Variants in MTMR8 observed in about 807,000 individuals in gnomAD.
The protein encoded by MTMR8 is phosphatidylinositol-3,5-bisphosphate 3-phosphatase MTMR8.
A neutral mutation model predicts 39.3 loss-of-function variants in MTMR8; 65 were observed. The observed-to-expected ratio is 1.65, with a 90% confidence interval of 1.35 to 2.03. MTMR8 has a LOEUF of 2.03. Among genes scored for constraint, MTMR8 ranks in the 30% most tolerant of loss-of-function variants. The pLI, the probability that MTMR8 is intolerant of heterozygous loss-of-function variation, is 0.00. For missense variants in MTMR8, 777 were observed against 538.9 expected, an observed-to-expected ratio of 1.44 and a Z score of -4.37; for synonymous variants, 245 against 185.2, an observed-to-expected ratio of 1.32 and a Z score of -2.62.
chrX:64,377,279 G>C (rs1924295967), intron 1 of MTMR8, among the ~76,000 whole-genome samples: 1 of 111,987 alleles, frequency 8.9e-6, no homozygotes. Context: ...CCATCCTCCA[G>C]ACCCCAGAAT....
At chrX:64,277,798 C>A (rs1164707985) in intron 12 of MTMR8, among the ~76,000 whole-genome samples, 1 of 111,226 alleles carries the variant, frequency 9.0e-6, no homozygotes, top group Non-Finnish European at 1.9e-5. Context: ...TGGGGAAGTT[C>A]TCCTGGATAA....
At chrX:64,285,347 G>C (rs2147134055) in intron 12 of MTMR8, among the ~76,000 whole-genome samples, 1 of 111,179 alleles carries the variant, frequency 9.0e-6, no homozygotes, top group South Asian at 3.8e-4. Context: ...CCTATAAAGA[G>C]ACTTAGACTC....
At chrX:64,393,408 C>G (rs1190073952) in intron 1 of MTMR8, among the ~76,000 whole-genome samples, 1 of 111,872 alleles carries the variant, frequency 8.9e-6, no homozygotes, top group African/African-American at 3.3e-5. Context: ...TTCCAATTTC[C>G]ATAGAGCCAG....
chrX:64,329,015 GGAC>G (rs1168633002), intron 11 of MTMR8, 115 bp from the exon 12 acceptor site: 6 of 663,978 alleles, frequency 9.0e-6, no homozygotes, highest in Non-Finnish European at 1.3e-5. Context: ...GCTCAAGAAA[GGAC>G]GACAGGATAT....
chrX:64,361,189 G>A (rs778940012), intron 1 of MTMR8, among the ~76,000 whole-genome samples: 6 of 111,201 alleles, frequency 5.4e-5, no homozygotes, highest in African/African-American at 9.7e-5. Context: ...AAATAAAATG[G>A]CAATGGTAGT....
chrX:64,358,532 G>A lies in MTMR8; in HGVS notation c.147+873C>T, dbSNP rs187075303. On this transcript the variant is annotated intron_variant, in intron 2 of 13. Coordinates refer to ENST00000374852, the MANE Select transcript of MTMR8 (RefSeq NM_017677.4). ...GGTATTATTTTATCTGTATTTTACA[G>A]AAGAAGGAAGCGAGACACAGAAAAG... is the stretch of plus-strand genomic sequence containing the variant. 2.7e-4 allele frequency among the ~76,000 whole-genome samples: 30 copies of A among 111,320 alleles called. No individual in the cohort carries two copies. In the East Asian group the frequency reaches 7.7e-3, roughly 28 times the overall value.
chrX:64,319,105 A>G (rs1332517755), intron 12 of MTMR8, among the ~76,000 whole-genome samples: 1 of 112,649 alleles, frequency 8.9e-6, no homozygotes, highest in Non-Finnish European at 1.9e-5. Flanking sequence ...GCTAAAAAGA[A>G]TAATTGGTGG....
chrX:64,359,516 C>A lies in MTMR8; in HGVS notation c.36G>T (p.Val12=). The part of the protein sequence containing the change: ...DHITVPKVEN[V]KLVDRYVSKK... Reference sequence around the variant, plus strand: ...TACTCACATAACGATCCACCAATTTCACGTTTTCTACCTGTTATTGGAGGA... The same window carrying A: ...TACTCACATAACGATCCACCAATTTAACGTTTTCTACCTGTTATTGGAGGA... Residue 12 remains valine, a synonymous_variant, in exon 2 of 14, where the codon GTG becomes GTT. Coordinates refer to ENST00000374852, the MANE Select transcript of MTMR8 (RefSeq NM_017677.4). 1 of 1,198,361 alleles carries A rather than the reference C, an allele frequency of 8.3e-7. No homozygotes were observed.
chrX:64,323,802 G>A (rs181038125), intron 12 of MTMR8, among the ~76,000 whole-genome samples: 121 of 112,023 alleles, frequency 1.1e-3, no homozygotes, highest in African/African-American at 3.7e-3. Context: ...TAAACAACAT[G>A]CTCTTATATG....
chrX:64,275,497 A>T (rs1931851337), intron 12 of MTMR8, among the ~76,000 whole-genome samples: 2 of 109,225 alleles, frequency 1.8e-5, no homozygotes, highest in Admixed American at 9.9e-5. Context: ...GGAGTTCGAG[A>T]CCAGCCTGGA....
chrX:64,371,648 A>C (rs1228564288), intron 1 of MTMR8, among the ~76,000 whole-genome samples: 1 of 111,473 alleles, frequency 9.0e-6, no homozygotes, highest in Non-Finnish European at 1.9e-5. Context: ...ATAAGTATGA[A>C]CCAGTATCTT....
At chrX:64,363,334 G>A (rs1000402661) in intron 1 of MTMR8, among the ~76,000 whole-genome samples, 2 of 111,777 alleles carry the variant, frequency 1.8e-5, no homozygotes, top group East Asian at 2.8e-4. Flanking sequence ...CTGGATCATG[G>A]GGGTGAATTC....
chrX:64,299,498 C>T (rs1410802198), intron 12 of MTMR8, among the ~76,000 whole-genome samples: 1 of 101,204 alleles, frequency 9.9e-6, no homozygotes, highest in East Asian at 3.1e-4. Context: ...TGCTAGCAGT[C>T]TATCAATTTT....
chrX:64,308,733 G>A (rs908760832), intron 12 of MTMR8, among the ~76,000 whole-genome samples: 5 of 111,382 alleles, frequency 4.5e-5, no homozygotes, highest in Admixed American at 9.6e-5. Flanking sequence ...TGTGTTTTAT[G>A]TTTTGTTATA....
At chrX:64,387,345 C>T (rs750318982) in intron 1 of MTMR8, among the ~76,000 whole-genome samples, 10 of 111,432 alleles carry the variant, frequency 9.0e-5, no homozygotes, top group Non-Finnish European at 1.7e-4. Flanking sequence ...CCTGCTAAGG[C>T]CCAGGGCACT....
In MTMR8 at chrX:64,268,817, C is replaced by T. The variant is rs1931690477; in HGVS notation, c.1835G>A (p.Cys612Tyr). ...KSQGADLHHN[C>Y]CEIVGSLRAI... is the part of the protein sequence containing the mutation. ...CCTAAGGCTGCCCACAATCTCACAACAGTTATGGTGGAGGTCTGCACCCTG... is the reference window on the plus strand; with the variant it reads ...CCTAAGGCTGCCCACAATCTCACAATAGTTATGGTGGAGGTCTGCACCCTG... The change falls in exon 14 of 14, where the codon TGT (cysteine) becomes TAT (tyrosine). Residue 612 changes from cysteine (C) to tyrosine (Y), a missense_variant. Transcript: ENST00000374852. 1 of 1,209,769 alleles carries T rather than the reference C, an allele frequency of 8.3e-7. No individual in the cohort carries two copies.
At position 64,350,046 on chromosome X, in the gene MTMR8, T is replaced by C. The variant is rs926637097; in HGVS notation, c.493A>G (p.Ile165Val). Residue 165 changes from isoleucine to valine, a missense_variant, in exon 5 of 14, where the codon ATA becomes GTA. Ile to Val is a conservative substitution (Grantham distance 29). Coordinates refer to ENST00000374852, the MANE Select transcript of MTMR8 (RefSeq NM_017677.4). ...YEICSTYPPEIVVPKSVTLGT... is the reference protein window; with the variant it reads ...YEICSTYPPEVVVPKSVTLGT... ...AAGGTAACAGATTTAGGAACCACTATTTCAGGAGGGTAGGTGCTGCATATC... is the reference window on the plus strand; with the variant it reads ...AAGGTAACAGATTTAGGAACCACTACTTCAGGAGGGTAGGTGCTGCATATC... 15 of 1,175,686 alleles carry C rather than the reference T, an allele frequency of 1.3e-5. No homozygotes were observed. Among genetic ancestry groups the C allele is most frequent in the Non-Finnish European group, 1.5e-5 (13 of 874,490 alleles).
At chrX:64,321,556 A>G (rs1922646083) in intron 12 of MTMR8, among the ~76,000 whole-genome samples, 1 of 111,949 alleles carries the variant, frequency 8.9e-6, no homozygotes, top group African/African-American at 3.2e-5. Context: ...AGAAAGAAAA[A>G]TGATGAAAAG....
At chrX:64,328,640 G>T in intron 12 of MTMR8, 132 bp downstream of exon 12, 2 of 560,440 alleles carry the variant, frequency 3.6e-6, no homozygotes, top group Non-Finnish European at 5.0e-6. Context: ...GCAATGTATG[G>T]GTGATATGAG....
Sources: gnomAD v4.1 joint callset for allele counts (sites outside exome capture counted in the v4.1 genomes callset) on GRCh38, gnomAD v4.1.1 for gene constraint, MANE v1.5 for transcripts, NCBI Gene and HGNC (gene_info 2026-07-23, HGNC 2026-07-21) for gene names.